The following CORIN variants were observed in gnomAD, a reference collection of about 807,000 sequenced individuals.
CORIN encodes the protein corin, serine peptidase.
Under a neutral mutation model 125.3 loss-of-function variants are expected in CORIN, and 117 were observed. The ratio of observed to expected loss-of-function variants is 0.93; its 90% CI spans 0.80 to 1.09. CORIN has a LOEUF of 1.09. Among genes scored for constraint, CORIN ranks in the 50% least tolerant of loss-of-function variants. The pLI is 0.00. For missense variants in CORIN, 1,253 were observed against 1,306.7 expected, an observed-to-expected ratio of 0.96 and a Z score of 0.63; for synonymous variants, 450 against 466.4, an observed-to-expected ratio of 0.96 and a Z score of 0.45.
At chr4:47,659,243 T>C (rs1374328580) in intron 12 of CORIN, among the ~76,000 whole-genome samples, 3 of 152,222 alleles carry the variant, frequency 2.0e-5, no homozygotes, top group Admixed American at 1.3e-4. Context: ...TCTTCCTGTC[T>C]TCTTCTGAGC....
intron 18 of CORIN, 54 bp from the exon 19 acceptor site, chr4:47,623,799 G>A (rs1722440262): frequency 6.2e-7 from 1 of 1,610,068 alleles, no homozygotes; most frequent in Admixed American, 1.7e-5. Flanking sequence ...CTTGCTAAAT[G>A]CTTAGCTCTT....
intron 4 of CORIN, among the ~76,000 whole-genome samples, chr4:47,748,167 G>T (rs1728747500): frequency 1.3e-5 from 2 of 152,194 alleles, no homozygotes; most frequent in Non-Finnish European, 2.9e-5. Flanking sequence ...TTCCAACAGT[G>T]AGCAAAATGT....
intron 2 of CORIN, among the ~76,000 whole-genome samples, chr4:47,800,014 ATACAGAATGTCTAGAATAGG>A (rs1217265567): frequency 1.3e-5 from 2 of 152,320 alleles, no homozygotes; most frequent in Admixed American, 1.3e-4. Context: ...ACATATGGTC[ATACAGAATGTCTAGAATAGG>A]TACATCTACA....
In CORIN at chr4:47,822,795, T is replaced by C. The variant is rs74377163; in HGVS notation, c.63+15092A>G. On this transcript the variant is annotated intron_variant, in intron 1 of 21. Coordinates refer to ENST00000273857, the MANE Select transcript of CORIN (RefSeq NM_006587.4). ...GAGGTACTTTGAAACCATGTTAATATACCATCTCTTCAAACTTTCCATTTC... is the reference window on the plus strand; with the variant it reads ...GAGGTACTTTGAAACCATGTTAATACACCATCTCTTCAAACTTTCCATTTC... Among the ~76,000 whole-genome samples, 650 of 152,110 alleles carry C rather than the reference T, an allele frequency of 4.3e-3. 7 individuals carry two copies. The highest frequency in any genetic ancestry group is 0.016 in the African/African-American group (643 of 41,442).
chr4:47,787,154 C>G (rs1217828715), intron 2 of CORIN, among the ~76,000 whole-genome samples: 2 of 152,116 alleles, frequency 1.3e-5, no homozygotes, highest in Non-Finnish European at 2.9e-5. Context: ...TGTGATGAAA[C>G]ATGGCTTTCT....
Position 47,615,760 on chromosome 4 carries a change from T to A in CORIN, c.2540+7811A>T, listed in dbSNP as rs868839493. 1.9e-3 allele frequency among the ~76,000 whole-genome samples: 290 copies of A among 152,276 alleles called. 4 individuals carry two copies. Among genetic ancestry groups the A allele is most frequent in the South Asian group, 4.8e-3 (23 of 4,822 alleles). ...GTACCTTGATCCTGAACTTCTAGCC[T>A]CCGGAACTGTATGGTTCAAATCACC... On this transcript the variant is annotated intron_variant, in intron 19 of 21. Coordinates refer to ENST00000273857, the MANE Select transcript of CORIN (RefSeq NM_006587.4).
At chr4:47,776,088 C>T (rs1577913356) in intron 3 of CORIN, among the ~76,000 whole-genome samples, 3 of 151,212 alleles carry the variant, frequency 2.0e-5, no homozygotes, top group Admixed American at 1.3e-4. Flanking sequence ...GGCAAGATCT[C>T]GGCTCACTTC....
At chr4:47,639,777 C>T (rs1414589423) in intron 16 of CORIN, among the ~76,000 whole-genome samples, 1 of 152,138 alleles carries the variant, frequency 6.6e-6, no homozygotes, top group South Asian at 2.1e-4. Context: ...CAGCTGGTCT[C>T]GAGAGACAGT....
chr4:47,825,416 A>G (rs145168488), intron 1 of CORIN, among the ~76,000 whole-genome samples: 69 of 152,284 alleles, frequency 4.5e-4, no homozygotes, highest in Admixed American at 1.1e-3. Context: ...TTGGGTCTCA[A>G]CCCAGACCTG....
At chr4:47,664,198 A>G in intron 11 of CORIN, among the ~76,000 whole-genome samples, 1 of 152,200 alleles carries the variant, frequency 6.6e-6, no homozygotes, top group East Asian at 1.9e-4. Flanking sequence ...TGTATATGCA[A>G]ACCCTCTGAC....
chr4:47,600,924 G>C (rs1721424719), intron 20 of CORIN, among the ~76,000 whole-genome samples: 1 of 152,240 alleles, frequency 6.6e-6, no homozygotes, highest in South Asian at 2.1e-4. Flanking sequence ...TATTGACAGA[G>C]AGAATATGTG....
intron 1 of CORIN, among the ~76,000 whole-genome samples, chr4:47,832,998 C>CT (rs1733131765): frequency 6.6e-6 from 1 of 152,066 alleles, no homozygotes; most frequent in Non-Finnish European, 1.5e-5. Flanking sequence ...TCACATGGCT[C>CT]TAGAGTCACA....
chr4:47,684,131 G>A (rs951035290), intron 6 of CORIN, among the ~76,000 whole-genome samples: 3 of 152,190 alleles, frequency 2.0e-5, no homozygotes, highest in African/African-American at 7.2e-5. Flanking sequence ...GACATTCTCA[G>A]TTCACCATCA....
chr4:47,762,449 G>A (rs747689694), intron 4 of CORIN, among the ~76,000 whole-genome samples: 82 of 152,048 alleles, frequency 5.4e-4, no homozygotes, highest in Non-Finnish European at 1.6e-4. Context: ...ATTTTTTTAA[G>A]TGTATACTTA....
intron 21 of CORIN, among the ~76,000 whole-genome samples, chr4:47,597,077 C>T (rs1421089803): frequency 1.3e-5 from 2 of 152,064 alleles, no homozygotes; most frequent in Non-Finnish European, 2.9e-5. Flanking sequence ...TTAGGCCCGG[C>T]GTGCTAGCTC....
chr4:47,769,572 A>G (rs187945858), intron 3 of CORIN, among the ~76,000 whole-genome samples: 13 of 152,204 alleles, frequency 8.5e-5, no homozygotes, highest in Admixed American at 3.9e-4. Flanking sequence ...CCAAAAAAAA[A>G]TTGAGCGAAA....
intron 5 of CORIN, among the ~76,000 whole-genome samples, chr4:47,744,039 G>A (rs1202092858): frequency 6.6e-6 from 1 of 152,174 alleles, no homozygotes; most frequent in Non-Finnish European, 1.5e-5. Context: ...GAGAATGAAT[G>A]AACCACAATA....
intron 2 of CORIN, among the ~76,000 whole-genome samples, chr4:47,802,192 G>A (rs1014620962): frequency 1.3e-5 from 2 of 152,186 alleles, no homozygotes; most frequent in Non-Finnish European, 2.9e-5. Flanking sequence ...CCTAGCTGTG[G>A]TGGCTATGGT....
At chr4:47,789,958 G>A (rs1351435082) in intron 2 of CORIN, among the ~76,000 whole-genome samples, 1 of 152,166 alleles carries the variant, frequency 6.6e-6, no homozygotes, top group Non-Finnish European at 1.5e-5. Flanking sequence ...GGAGGTGGAG[G>A]TTGCAGTGAG....
Sources: allele counts gnomAD v4.1 joint callset (sites outside exome capture counted in the v4.1 genomes callset), GRCh38; gene constraint gnomAD v4.1.1; transcripts MANE v1.5; gene names NCBI Gene and HGNC (gene_info 2026-07-23, HGNC 2026-07-21).